PLCH2: variants seen among roughly 807,000 people sequenced by gnomAD.
PLCH2 encodes phospholipase C eta 2.
In PLCH2, 98 loss-of-function variants were observed where a neutral mutation model predicts 134.7. The observed-to-expected ratio is 0.73, with a 90% confidence interval of 0.62 to 0.86. The LOEUF (loss-of-function observed/expected upper bound fraction) is 0.86. Among genes scored for constraint, PLCH2 ranks in the 40% least tolerant of loss-of-function variants. PLCH2 has a pLI of 0.00. For missense variants in PLCH2, 1,994 were observed against 1,986.6 expected (o/e 1.00, Z -0.07); for synonymous variants, 974 against 827.5 (o/e 1.18, Z -3.04).
At chr1:2,435,508 GGGGATAGCAGGCGCA>G (rs1639287623) in intron 2 of PLCH2, among the ~76,000 whole-genome samples, 1 of 152,080 alleles carries the variant, frequency 6.6e-6, no homozygotes, top group African/African-American at 2.4e-5. Context: ...TTAGTGAGGC[GGGGATAGCAGGCGCA>G]GGGGCCTCTC....
chr1:2,433,522 C>T lies in PLCH2; in HGVS notation c.115+2893C>T, dbSNP rs148793731. Among the ~76,000 whole-genome samples, 656 of 152,314 alleles carry T rather than the reference C, an allele frequency of 4.3e-3. 7 individuals carry two copies. Among genetic ancestry groups the T allele is most frequent in the South Asian group, 0.022 (106 of 4,816 alleles). On this transcript the variant is annotated intron_variant, in intron 2 of 3. Coordinates refer to the PLCH2 transcript ENST00000609981. ...AGCTGGAGCTGGAGCGGCTCAGTCT[C>T]GGTGCCTTGAGGCTGGCACAGGTGG... is the stretch of plus-strand genomic sequence containing the variant.
chr1:2,480,964 T>C (rs1338529082), intron 4 of PLCH2, among the ~76,000 whole-genome samples: 2 of 151,998 alleles, frequency 1.3e-5, no homozygotes, highest in Non-Finnish European at 2.9e-5. Flanking sequence ...GGAAAGCGGG[T>C]TCTGTGGGTG....
intron 2 of PLCH2, among the ~76,000 whole-genome samples, chr1:2,443,140 C>G (rs376268917): frequency 1.3e-4 from 20 of 152,314 alleles, no homozygotes; most frequent in African/African-American, 4.6e-4. Flanking sequence ...AGCTCCCTCC[C>G]CCCAGAGGTG....
chr1:2,503,904 TCCCCCACCTCCCCACAGACACCCG>T lies in PLCH2; in HGVS notation c.2960-12_2971del. 1.4e-6 allele frequency: 1 copy of T among 694,072 alleles called. No homozygotes were observed. The highest frequency in any genetic ancestry group is 2.6e-6 in the Non-Finnish European group (1 of 391,102). 43.0% of individuals were successfully genotyped at this position (694,072 alleles called of 1,614,324 possible). A position where few individuals can be genotyped will look rare whatever the true frequency, so the allele number is the denominator to read the frequency against. ...GCTTCTCCCTCTGGCTCTCTCTCAC[TCCCCCACCTCCCCACAGACACCCG>T]CCCCCTCTCCACGCAGCGGCCACTC... On this transcript the variant is annotated splice_acceptor_variant and splice_polypyrimidine_tract_variant and coding_sequence_variant and intron_variant, in exon 22 of 22. Coordinates refer to ENST00000378486, the MANE Select transcript of PLCH2 (RefSeq NM_014638.4). LOFTEE classifies it high-confidence loss of function.
upstream of PLCH2, among the ~76,000 whole-genome samples, chr1:2,421,457 G>T (rs1244985784): frequency 6.6e-6 from 1 of 152,096 alleles, no homozygotes; most frequent in East Asian, 1.9e-4. Flanking sequence ...AAAAGCAAAG[G>T]AAATAAATAC....
chr1:2,453,246 G>A (rs756757691), intron 2 of PLCH2, among the ~76,000 whole-genome samples: 3 of 152,192 alleles, frequency 2.0e-5, no homozygotes, highest in Admixed American at 6.5e-5. Flanking sequence ...CTCGAGATGT[G>A]GTCTGTGGGC....
At chr1:2,502,959 C>T in intron 21 of PLCH2, 1 of 717,160 alleles carries the variant, frequency 1.4e-6, no homozygotes, top group Admixed American at 2.0e-5. Flanking sequence ...CCTGGCATGG[C>T]TGGGCCTGGG....
At chr1:2,454,680 T>TCCCCAGGGGC (rs1640402846) in intron 2 of PLCH2, among the ~76,000 whole-genome samples, 1 of 152,038 alleles carries the variant, frequency 6.6e-6, no homozygotes, top group Non-Finnish European at 1.5e-5. Context: ...CCCAGTGGCT[T>TCCCCAGGGGC]CCCCAGGGGC....
chr1:2,489,994 C>T (rs745836751), intron 10 of PLCH2, 127 bp downstream of exon 10: 37 of 717,322 alleles, frequency 5.2e-5, no homozygotes, highest in South Asian at 8.4e-5. Context: ...GGGGCAGATT[C>T]GCACAGCGGC....
Position 2,498,381 on chromosome 1 carries a change from C to T in PLCH2, c.2225-142C>T, listed in dbSNP as rs1442132758. The T allele has an allele frequency of 4.4e-6, 4 of 911,672 alleles. No homozygotes were observed. Among genetic ancestry groups the T allele is most frequent in the Non-Finnish European group, 6.5e-6 (4 of 611,932 alleles). The allele number at this position is 911,672 out of a possible 1,614,324, so 56.5% of individuals were successfully genotyped here. ...GTGCACCCCGAGGTGCCCCCCTGGA[C>T]CACTGCCTCCCTCCCTCCCCCTGGC... On this transcript the variant is annotated intron_variant, in intron 16 of 21. Coordinates refer to ENST00000378486, the MANE Select transcript of PLCH2 (RefSeq NM_014638.4). This position sits in a 1 kb window ranked among gnomAD's most constrained non-coding sequence, Gnocchi z 5.4.
At chr1:2,467,994 C>T (rs1420412925) in intron 1 of PLCH2, among the ~76,000 whole-genome samples, 1 of 152,188 alleles carries the variant, frequency 6.6e-6, no homozygotes, top group Non-Finnish European at 1.5e-5. Context: ...TCCAGGTGGG[C>T]GGTGGGGGAG....
chr1:2,499,317 G>C, intron 19 of PLCH2, 87 bp downstream of exon 19: 5 of 1,463,120 alleles, frequency 3.4e-6, no homozygotes, highest in African/African-American at 1.4e-5. Flanking sequence ...GTCAGTGCCT[G>C]TGTAGGTGGG....
rs929301035 is a variant in PLCH2 at position 2,444,384 on chromosome 1, A to G, written c.115+13755A>G. Among the ~76,000 whole-genome samples, 1 of 152,142 alleles carries G rather than the reference A, an allele frequency of 6.6e-6. No individual in the cohort carries two copies. The highest frequency in any genetic ancestry group is 6.5e-5 in the Admixed American group (1 of 15,284). On this transcript the variant is annotated intron_variant, in intron 2 of 3. Transcript: ENST00000609981. The surrounding 1 kb of genome is among the most constrained non-coding windows in gnomAD (Gnocchi z 4.6). ...GCTGCGTGGACTTGCCGCATGGCAC[A>G]TCTGCCTGGGCTGCAGGTGCTCATC...
chr1:2,497,690 C>G, intron 16 of PLCH2, 81 bp downstream of exon 16: 3 of 992,980 alleles, frequency 3.0e-6, no homozygotes, highest in Non-Finnish European at 4.6e-6. Flanking sequence ...GAGATCGGAG[C>G]CCCACAGGCT....
upstream of PLCH2, among the ~76,000 whole-genome samples, chr1:2,423,125 A>G (rs960647143): frequency 1.3e-5 from 2 of 152,094 alleles, no homozygotes; most frequent in African/African-American, 4.8e-5. Flanking sequence ...CAGATCCTGC[A>G]ATTTGCTGTT....
upstream of PLCH2, among the ~76,000 whole-genome samples, chr1:2,463,656 C>T (rs1302416218): frequency 6.6e-6 from 1 of 152,228 alleles, no homozygotes; most frequent in African/African-American, 2.4e-5. Context: ...GAGCCCGCGA[C>T]CCGAGAACAG....
At chr1:2,497,708 G>C (rs1008323938) in intron 16 of PLCH2, 99 bp downstream of exon 16, 2 of 840,348 alleles carry the variant, frequency 2.4e-6, no homozygotes, top group African/African-American at 1.7e-5. Flanking sequence ...GCTAGCAAGG[G>C]GGTGGGGGCG....
Position 2,504,945 on chromosome 1 carries a change from T to TGGCAGGGGGC in PLCH2, c.3984_3993dup (p.Pro1332GlyfsTer81). 1.3e-6 allele frequency: 2 copies of TGGCAGGGGGC among 1,561,828 alleles called. No homozygotes were observed. The highest frequency in any genetic ancestry group is 1.7e-6 in the Non-Finnish European group (2 of 1,154,358). On this transcript the variant is annotated frameshift_variant, in exon 22 of 22. Coordinates refer to ENST00000378486, the MANE Select transcript of PLCH2 (RefSeq NM_014638.4). LOFTEE classifies it high-confidence loss of function. ...AGCCTGGGCCCGGCTGGGGAGGGGG[T>TGGCAGGGGGC]GGCAGGGGGCCCTGGTTTTGTGCGG... is the stretch of plus-strand genomic sequence containing the variant.
chr1:2,489,105 C>G (rs1044412209), intron 8 of PLCH2, 102 bp from the exon 9 acceptor site: 1 of 1,076,762 alleles, frequency 9.3e-7, no homozygotes, highest in African/African-American at 1.6e-5. Context: ...GAAGACCCCT[C>G]CTCATTCAAT....
Sources: gnomAD v4.1 joint callset for allele counts (sites outside exome capture counted in the v4.1 genomes callset) on GRCh38, gnomAD v4.1.1 for gene constraint, Gnocchi (gnomAD v3.1) non-coding constraint, MANE v1.5 for transcripts, NCBI Gene and HGNC (gene_info 2026-07-23, HGNC 2026-07-21) for gene names.